The following PARD6G variants were observed in gnomAD, a reference collection of about 807,000 sequenced individuals.
PARD6G encodes par-6 family cell polarity regulator gamma.
Under a neutral mutation model 10.7 loss-of-function variants are expected in PARD6G, and 7 were observed. The observed-to-expected ratio is 0.66, with a 90% CI of 0.37 to 1.23. The LOEUF (loss-of-function observed/expected upper bound fraction) is 1.23, where lower values mean the gene tolerates loss of function less well. Ranked by LOEUF, PARD6G falls within the 50% of genes most tolerant of loss-of-function variation. PARD6G has a pLI of 0.02. For synonymous variants in PARD6G, 287 were observed against 269.4 expected, an observed-to-expected ratio of 1.07 and a Z score of -0.64; for missense variants, 548 against 571.8, an observed-to-expected ratio of 0.96 and a Z score of 0.42.
At chr18:80,245,122 G>T (rs149837582) in intron 1 of PARD6G, among the ~76,000 whole-genome samples, 118 of 152,332 alleles carry the variant, frequency 7.7e-4, no homozygotes, top group African/African-American at 2.6e-3. Context: ...TCTTTGCCAA[G>T]TGGAGCTGGC....
intron 1 of PARD6G, among the ~76,000 whole-genome samples, chr18:80,213,870 A>C (rs1967132201): frequency 6.7e-6 from 1 of 149,986 alleles, no homozygotes; most frequent in African/African-American, 2.5e-5. Flanking sequence ...AGGCAGGAGA[A>C]TGGCATGAAT....
At chr18:80,176,169 A>G (rs1240038652) in intron 2 of PARD6G, among the ~76,000 whole-genome samples, 1 of 152,220 alleles carries the variant, frequency 6.6e-6, no homozygotes, top group Non-Finnish European at 1.5e-5. Flanking sequence ...CCTGGAAAGT[A>G]TCCGTGGTAT....
intron 1 of PARD6G, among the ~76,000 whole-genome samples, chr18:80,237,556 A>G (rs1967437698): frequency 6.6e-6 from 1 of 152,264 alleles, no homozygotes; most frequent in South Asian, 2.1e-4. Flanking sequence ...CATCAGAGTG[A>G]ACAGGTAACC....
In PARD6G at chr18:80,157,366, A is replaced by G. The variant is rs946178665; in HGVS notation, c.*2405T>C. On this transcript the variant is annotated 3_prime_UTR_variant, in exon 3 of 3. Coordinates refer to ENST00000353265, the MANE Select transcript of PARD6G (RefSeq NM_032510.4). The stretch of plus-strand genomic sequence containing the variant: ...GAAGTACAGACCTGTGTAGAAAAAT[A>G]CACCCAAGCAGCTGTTCTAAGCAGT... 6.6e-6 allele frequency: 1 copy of G among 152,210 alleles called. No individual in the cohort carries two copies. The highest frequency in any genetic ancestry group is 6.5e-5 in the Admixed American group (1 of 15,282). 9.4% of individuals were successfully genotyped at this position (152,210 alleles called of 1,614,324 possible).
rs1038889350 is a variant in PARD6G, at chr18:80,161,656, G to A, written c.296-1050C>T. 6.6e-6 allele frequency: 1 copy of A among 152,206 alleles called. No individual in the cohort carries two copies. The allele number at this position is 152,206 out of a possible 1,614,324, so 9.4% of individuals were successfully genotyped here. A position where few individuals can be genotyped will look rare whatever the true frequency, so the allele number is the denominator to read the frequency against. On this transcript the variant is annotated intron_variant, in intron 2 of 2. Transcript: ENST00000353265. This position sits in a 1 kb window ranked among gnomAD's most constrained non-coding sequence, Gnocchi z 4.6. The stretch of plus-strand genomic sequence containing the variant: ...TAAGACAGGCGTCTCGGGGAGCAGA[G>A]GGAAGGGCTTGCTCTGTGAGGCTTG...
chr18:80,245,039 G>C (rs919678333), intron 1 of PARD6G, among the ~76,000 whole-genome samples: 3 of 152,200 alleles, frequency 2.0e-5, no homozygotes, highest in African/African-American at 7.2e-5. Context: ...CTCTGGCGCT[G>C]CCACTCACCT....
intron 2 of PARD6G, among the ~76,000 whole-genome samples, chr18:80,164,032 A>G (rs996738375): frequency 2.6e-5 from 4 of 152,164 alleles, no homozygotes; most frequent in African/African-American, 9.7e-5. Flanking sequence ...CATAGACCAA[A>G]AAGCCCCATC....
chr18:80,237,337 T>C (rs1003506025), intron 1 of PARD6G, among the ~76,000 whole-genome samples: 1 of 152,200 alleles, frequency 6.6e-6, no homozygotes, highest in African/African-American at 2.4e-5. Context: ...TTACACCTTA[T>C]ACAAAAATTA....
At chr18:80,216,711 A>T (rs1296089396) in intron 1 of PARD6G, among the ~76,000 whole-genome samples, 1 of 152,154 alleles carries the variant, frequency 6.6e-6, no homozygotes, top group African/African-American at 2.4e-5. Context: ...TAGAAATGAA[A>T]AAGGAAATGC....
chr18:80,197,314 A>G (rs1427286476), intron 2 of PARD6G: 1 of 152,230 alleles, frequency 6.6e-6, no homozygotes, highest in Admixed American at 6.5e-5. Flanking sequence ...GCCAGTGTCC[A>G]TAACAAGATT....
intron 1 of PARD6G, among the ~76,000 whole-genome samples, chr18:80,243,205 GTTAAC>G (rs1190893839): frequency 6.6e-6 from 1 of 152,048 alleles, no homozygotes; most frequent in Admixed American, 6.6e-5. Flanking sequence ...AAAAATTGGG[GTTAAC>G]TTAAGATACT....
Position 80,189,047 on chromosome 18 carries a change from C to T in PARD6G, c.295+13663G>A, listed in dbSNP as rs758389658. On this transcript the variant is annotated intron_variant, in intron 2 of 2. Coordinates refer to ENST00000353265, the MANE Select transcript of PARD6G (RefSeq NM_032510.4). This position sits in a 1 kb window ranked among gnomAD's most constrained non-coding sequence, Gnocchi z 5.5. The stretch of plus-strand genomic sequence containing the variant: ...AGAACCCAGTTCTAGGGGCTGCCCA[C>T]GTGTCACTTCCACCCCAGATCTGGC... Among the ~76,000 whole-genome samples, 1 of 152,234 alleles carries T rather than the reference C, an allele frequency of 6.6e-6. No individual in the cohort carries two copies. The highest frequency in any genetic ancestry group is 1.5e-5 in the Non-Finnish European group (1 of 68,048).
intron 1 of PARD6G, among the ~76,000 whole-genome samples, chr18:80,220,059 T>C (rs1967212860): frequency 6.6e-6 from 1 of 152,244 alleles, no homozygotes; most frequent in African/African-American, 2.4e-5. Context: ...GAGTAATTTA[T>C]AAAGGAAAAA....
chr18:80,181,347 T>C lies in PARD6G; in HGVS notation c.296-20741A>G, dbSNP rs2052847820. On this transcript the variant is annotated intron_variant, in intron 2 of 2. Coordinates refer to ENST00000353265, the MANE Select transcript of PARD6G (RefSeq NM_032510.4). This position sits in a 1 kb window ranked among gnomAD's most constrained non-coding sequence, Gnocchi z 7.9. ...ATGTCTGCGGAAGCTGTGGTCCCGA[T>C]GCCACACACGCCAAGGCAGGCATCA... Among the ~76,000 whole-genome samples, 2 of 152,156 alleles carry C rather than the reference T, an allele frequency of 1.3e-5. No homozygotes were observed. The highest frequency in any genetic ancestry group is 4.8e-5 in the African/African-American group (2 of 41,440).
chr18:80,176,802 C>T (rs1292288518), intron 2 of PARD6G, among the ~76,000 whole-genome samples: 1 of 152,186 alleles, frequency 6.6e-6, no homozygotes, highest in African/African-American at 2.4e-5. Context: ...ACAGGCAAAA[C>T]ATGATCTATG....
At chr18:80,240,856 A>T (rs1967482243) in intron 1 of PARD6G, among the ~76,000 whole-genome samples, 1 of 152,122 alleles carries the variant, frequency 6.6e-6, no homozygotes, top group Non-Finnish European at 1.5e-5. Context: ...CCTCACCCAA[A>T]TCTGCCCACT....
intron 2 of PARD6G, among the ~76,000 whole-genome samples, chr18:80,166,810 C>T (rs1009808640): frequency 2.0e-5 from 3 of 151,720 alleles, no homozygotes; most frequent in African/African-American, 7.3e-5. Context: ...CATAAGGGGG[C>T]TGTTCTCACA....
chr18:80,203,721 C>T (rs867385886), intron 1 of PARD6G, among the ~76,000 whole-genome samples: 11 of 152,212 alleles, frequency 7.2e-5, no homozygotes, highest in African/African-American at 2.4e-4. Context: ...GATGAAACCT[C>T]GGGACTGTTT....
At chr18:80,215,994 C>T (rs901020222) in intron 1 of PARD6G, among the ~76,000 whole-genome samples, 2 of 151,732 alleles carry the variant, frequency 1.3e-5, no homozygotes, top group African/African-American at 4.8e-5. Context: ...AAACAGCAGA[C>T]AAAATAGACT....
Sources: allele counts gnomAD v4.1 joint callset (sites outside exome capture counted in the v4.1 genomes callset), GRCh38; gene constraint gnomAD v4.1.1; non-coding constraint Gnocchi (gnomAD v3.1); transcripts MANE v1.5; gene names NCBI Gene and HGNC (gene_info 2026-07-23, HGNC 2026-07-21).